RAP1GDS1: variants seen among roughly 807,000 people sequenced by gnomAD.
The protein encoded by RAP1GDS1 is RAP1, GTP-GDP dissociation stimulator 1.
RAP1GDS1 carries 35 observed loss-of-function variants against 71.1 expected under a neutral mutation model. The observed-to-expected ratio is 0.49, with a 90% confidence interval of 0.38 to 0.65. The LOEUF is 0.65. Among genes scored for constraint, RAP1GDS1 ranks in the 30% least tolerant of loss-of-function variants. RAP1GDS1 has a pLI of 0.00. For synonymous variants in RAP1GDS1, 229 were observed against 243.1 expected, an observed-to-expected ratio of 0.94 and a Z score of 0.54; for missense variants, 663 against 706.1, an observed-to-expected ratio of 0.94 and a Z score of 0.69.
At chr4:98,441,718 G>A in intron 14 of RAP1GDS1, 1 of 718,220 alleles carries the variant, frequency 1.4e-6, no homozygotes, top group Non-Finnish European at 1.7e-6. Context: ...AGTAAGCTGT[G>A]ACCATGCCAC....
chr4:98,299,695 C>T (rs1381571692), intron 2 of RAP1GDS1, among the ~76,000 whole-genome samples: 10 of 151,012 alleles, frequency 6.6e-5, no homozygotes, highest in African/African-American at 2.4e-4. Context: ...AATGCAGTGG[C>T]ACGATCTCAG....
intron 1 of RAP1GDS1, among the ~76,000 whole-genome samples, chr4:98,272,886 C>CT (rs1269530713): frequency 6.6e-6 from 1 of 152,146 alleles, no homozygotes; most frequent in East Asian, 1.9e-4. Flanking sequence ...GAAGACAACG[C>CT]TTTAAAACAA....
intron 2 of RAP1GDS1, among the ~76,000 whole-genome samples, chr4:98,334,787 C>T (rs955257651): frequency 3.3e-5 from 5 of 151,334 alleles, no homozygotes; most frequent in Admixed American, 6.6e-5. Flanking sequence ...TGTCATCGAG[C>T]TGTTATACTT....
At chr4:98,390,914 C>CTTTA (rs760612932) in intron 5 of RAP1GDS1, among the ~76,000 whole-genome samples, 6 of 151,420 alleles carry the variant, frequency 4.0e-5, no homozygotes, top group Non-Finnish European at 8.8e-5. Context: ...TTTGTTTAGT[C>CTTTA]TTTAGATTGC....
intron 3 of RAP1GDS1, among the ~76,000 whole-genome samples, chr4:98,352,187 T>C (rs1038583107): frequency 6.6e-6 from 1 of 152,024 alleles, no homozygotes; most frequent in Non-Finnish European, 1.5e-5. Context: ...GAGAAGATAG[T>C]GATAAATTAG....
At chr4:98,389,975 C>A (rs2110123798) in intron 5 of RAP1GDS1, among the ~76,000 whole-genome samples, 1 of 152,260 alleles carries the variant, frequency 6.6e-6, no homozygotes, top group East Asian at 1.9e-4. Context: ...TGGAGTTTGA[C>A]TCACATTCAA....
At chr4:98,421,813 A>T (rs28464398) in intron 12 of RAP1GDS1, among the ~76,000 whole-genome samples, 1 of 152,114 alleles carries the variant, frequency 6.6e-6, no homozygotes, top group Non-Finnish European at 1.5e-5. Flanking sequence ...TGAACAAATG[A>T]GCTATTTTAA....
chr4:98,400,788 A>G (rs1398931278), intron 6 of RAP1GDS1, among the ~76,000 whole-genome samples: 1 of 152,200 alleles, frequency 6.6e-6, no homozygotes. Flanking sequence ...TCTGCTTACT[A>G]TTCATTATAT....
At chr4:98,407,407 G>T (rs1746287135) in intron 7 of RAP1GDS1, among the ~76,000 whole-genome samples, 1 of 151,978 alleles carries the variant, frequency 6.6e-6, no homozygotes, top group Admixed American at 6.6e-5. Flanking sequence ...CAGAAGAAAA[G>T]ATAGGGTATC....
At chr4:98,275,710 TTC>T (rs958321991) in intron 1 of RAP1GDS1, among the ~76,000 whole-genome samples, 6 of 152,132 alleles carry the variant, frequency 3.9e-5, no homozygotes. Context: ...ACAAGACTTT[TTC>T]TCTCTATGAA....
intron 4 of RAP1GDS1, among the ~76,000 whole-genome samples, chr4:98,371,625 C>T (rs1380390698): frequency 2.0e-5 from 3 of 151,932 alleles, no homozygotes; most frequent in Admixed American, 6.6e-5. Flanking sequence ...TATAGACACA[C>T]GCCACCATGC....
chr4:98,282,166 A>G (rs1460059716), intron 1 of RAP1GDS1, among the ~76,000 whole-genome samples: 1 of 152,178 alleles, frequency 6.6e-6, no homozygotes, highest in Non-Finnish European at 1.5e-5. Context: ...ATTGATTGGA[A>G]TAGTTTCAGA....
chr4:98,314,624 C>A (rs1394658936), intron 2 of RAP1GDS1, among the ~76,000 whole-genome samples: 1 of 152,162 alleles, frequency 6.6e-6, no homozygotes, highest in African/African-American at 2.4e-5. Context: ...GGATGCAGTT[C>A]TATTCAACTA....
At chr4:98,336,111 T>G (rs574255846) in intron 2 of RAP1GDS1, among the ~76,000 whole-genome samples, 1 of 152,262 alleles carries the variant, frequency 6.6e-6, no homozygotes, top group East Asian at 1.9e-4. Context: ...AAAATATTTT[T>G]TCACTATGTT....
chr4:98,346,225 T>A (rs1375896829), intron 3 of RAP1GDS1, among the ~76,000 whole-genome samples: 1 of 152,176 alleles, frequency 6.6e-6, no homozygotes, highest in Admixed American at 6.5e-5. Context: ...GTGTACTTTA[T>A]CATATTGCAA....
intron 4 of RAP1GDS1, among the ~76,000 whole-genome samples, chr4:98,364,957 G>T (rs934050938): frequency 1.3e-5 from 2 of 151,994 alleles, no homozygotes; most frequent in African/African-American, 4.8e-5. Flanking sequence ...AGTCAAGGCT[G>T]CAGTGAACTC....
At chr4:98,310,509 A>G (rs1730053702) in intron 2 of RAP1GDS1, among the ~76,000 whole-genome samples, 1 of 152,202 alleles carries the variant, frequency 6.6e-6, no homozygotes, top group Non-Finnish European at 1.5e-5. Flanking sequence ...CCAGTACTTA[A>G]TTCAGCTTAT....
In RAP1GDS1 at chr4:98,437,088, T is replaced by G; in HGVS notation, c.1696+20T>G. 6.4e-7 allele frequency: 1 copy of G among 1,569,300 alleles called. No individual in the cohort carries two copies. Among genetic ancestry groups the G allele is most frequent in the African/African-American group, 1.4e-5 (1 of 73,190 alleles). Reference sequence around the variant, plus strand: ...GATCTGGTAAGTATTCTTCTATCATTTGATGTCCATAAACATATGGTTCAC... The same window carrying G: ...GATCTGGTAAGTATTCTTCTATCATGTGATGTCCATAAACATATGGTTCAC... On this transcript the variant is annotated intron_variant, in intron 14 of 14. Transcript: ENST00000408927.
At chr4:98,303,355 T>A (rs556870358) in intron 2 of RAP1GDS1, among the ~76,000 whole-genome samples, 45 of 152,230 alleles carry the variant, frequency 3.0e-4, no homozygotes, top group African/African-American at 1.1e-3. Flanking sequence ...AGATGTGTTG[T>A]ACATCTAAAA....
Sources: gnomAD v4.1 joint callset for allele counts (sites outside exome capture counted in the v4.1 genomes callset) on GRCh38, gnomAD v4.1.1 for gene constraint, MANE v1.5 for transcripts, NCBI Gene and HGNC (gene_info 2026-07-23, HGNC 2026-07-21) for gene names.